The following SPAG16 variants were observed in gnomAD, a reference collection of about 807,000 sequenced individuals.
SPAG16 encodes the protein sperm-associated antigen 16 protein.
Under a neutral mutation model 80.4 loss-of-function variants are expected in SPAG16, and 86 were observed. That is an observed-to-expected ratio of 1.07 (90% CI 0.90 to 1.28). The LOEUF (loss-of-function observed/expected upper bound fraction) is 1.28, where lower values mean the gene tolerates loss of function less well. Ranked by LOEUF, SPAG16 falls within the 50% of genes most tolerant of loss-of-function variation. The pLI, the probability that SPAG16 is intolerant of heterozygous loss-of-function variation, is 0.00. For synonymous variants in SPAG16, 294 were observed against 265.9 expected, an observed-to-expected ratio of 1.11 and a Z score of -1.03; for missense variants, 870 against 765.3, an observed-to-expected ratio of 1.14 and a Z score of -1.61.
intron 15 of SPAG16, among the ~76,000 whole-genome samples, chr2:214,165,659 A>G (rs552792928): frequency 1.3e-5 from 2 of 150,428 alleles, no homozygotes; most frequent in Admixed American, 6.6e-5. Flanking sequence ...ATAGTCAACA[A>G]TTAAACTTTG....
intron 15 of SPAG16, among the ~76,000 whole-genome samples, chr2:214,382,319 A>T (rs1176412616): frequency 6.6e-6 from 1 of 152,238 alleles, no homozygotes; most frequent in African/African-American, 2.4e-5. Flanking sequence ...GCTTTTTGTT[A>T]ACATAACTTC....
chr2:213,384,758 T>C (rs1321548690), intron 9 of SPAG16, among the ~76,000 whole-genome samples: 1 of 152,190 alleles, frequency 6.6e-6, no homozygotes, highest in Non-Finnish European at 1.5e-5. Context: ...GTTGCTGCTC[T>C]CAGTATCCTG....
chr2:214,035,901 G>A (rs996171925), intron 13 of SPAG16, among the ~76,000 whole-genome samples: 1 of 152,192 alleles, frequency 6.6e-6, no homozygotes. Context: ...GCTCCATGGA[G>A]TGCACAGCCC....
rs561437715 is a variant in SPAG16, at chr2:213,955,958, A to ATTAT, written c.1400+25836_1400+25839dup. On this transcript the variant is annotated intron_variant, in intron 12 of 15. Transcript: ENST00000331683. ...AAGAACCAATTTTTGGTTTTTATTT[A>ATTAT]TTATTTATTTATTTATTTATTTATT... 3.6e-3 allele frequency among the ~76,000 whole-genome samples: 540 copies of ATTAT among 151,406 alleles called. 1 individual carries two copies. The highest frequency in any genetic ancestry group is 0.011 in the African/African-American group (454 of 41,358).
At chr2:213,321,721 T>C (rs2063615800) in intron 5 of SPAG16, among the ~76,000 whole-genome samples, 1 of 152,154 alleles carries the variant, frequency 6.6e-6, no homozygotes, top group Non-Finnish European at 1.5e-5. Flanking sequence ...CTGCTATAAA[T>C]ATAGATTATC....
chr2:214,197,310 G>T (rs954598219), intron 15 of SPAG16, among the ~76,000 whole-genome samples: 18 of 151,942 alleles, frequency 1.2e-4, no homozygotes, highest in African/African-American at 4.1e-4. Flanking sequence ...AATGCTTACT[G>T]AGTTTATATT....
intron 10 of SPAG16, among the ~76,000 whole-genome samples, chr2:213,824,070 A>G (rs902124828): frequency 2.6e-5 from 4 of 152,160 alleles, no homozygotes; most frequent in Admixed American, 6.5e-5. Context: ...TCTTTAATCC[A>G]TCTTGAGTTA....
chr2:213,945,984 T>C (rs529852006), intron 12 of SPAG16, among the ~76,000 whole-genome samples: 135 of 152,344 alleles, frequency 8.9e-4, no homozygotes, highest in African/African-American at 3.2e-3. Context: ...AGCATTGTTA[T>C]ATTTTTACCA....
At chr2:214,362,321 C>A (rs1204065623) in intron 15 of SPAG16, among the ~76,000 whole-genome samples, 3 of 151,858 alleles carry the variant, frequency 2.0e-5, no homozygotes, top group Non-Finnish European at 2.9e-5. Context: ...CATTGAGGAG[C>A]TGAAGCAATC....
chr2:214,112,767 C>G (rs993164443), intron 14 of SPAG16, among the ~76,000 whole-genome samples: 2 of 150,172 alleles, frequency 1.3e-5, no homozygotes, highest in African/African-American at 4.9e-5. Context: ...GCTCTTGATT[C>G]TTTATCGAAC....
At chr2:213,878,074 T>G (rs1254901890) in intron 11 of SPAG16, among the ~76,000 whole-genome samples, 2 of 152,170 alleles carry the variant, frequency 1.3e-5, no homozygotes, top group Non-Finnish European at 2.9e-5. Flanking sequence ...TTCAGAATAC[T>G]TCTTCCTGTT....
intron 10 of SPAG16, among the ~76,000 whole-genome samples, chr2:213,645,144 A>G (rs2062775045): frequency 6.6e-6 from 1 of 152,180 alleles, no homozygotes; most frequent in Non-Finnish European, 1.5e-5. Context: ...ACCGCAGGCC[A>G]TGAGGAGTAC....
intron 10 of SPAG16, among the ~76,000 whole-genome samples, chr2:213,721,607 T>C (rs1006900348): frequency 1.3e-5 from 2 of 152,210 alleles, no homozygotes; most frequent in African/African-American, 4.8e-5. Context: ...TAACCATTCA[T>C]TGCAAATTAC....
intron 10 of SPAG16, among the ~76,000 whole-genome samples, chr2:213,597,619 A>C (rs1002971189): frequency 7.2e-5 from 11 of 152,140 alleles, no homozygotes; most frequent in African/African-American, 2.7e-4. Context: ...CATAAGTGTC[A>C]CTTTTGGCCA....
At chr2:213,748,491 T>C (rs1317785545) in intron 10 of SPAG16, among the ~76,000 whole-genome samples, 1 of 152,096 alleles carries the variant, frequency 6.6e-6, no homozygotes, top group Admixed American at 6.5e-5. Context: ...AATTAATAAG[T>C]TTTATTTCAT....
chr2:213,503,343 C>T (rs921007193), intron 10 of SPAG16, among the ~76,000 whole-genome samples: 2 of 152,142 alleles, frequency 1.3e-5, no homozygotes, highest in Non-Finnish European at 2.9e-5. Flanking sequence ...TTTCACAGTG[C>T]TTCCTTTTAG....
At chr2:213,699,090 C>G (rs1470243373) in intron 10 of SPAG16, among the ~76,000 whole-genome samples, 3 of 152,084 alleles carry the variant, frequency 2.0e-5, no homozygotes, top group African/African-American at 7.2e-5. Context: ...TTTCTAATGT[C>G]TCCTACAACG....
intron 15 of SPAG16, among the ~76,000 whole-genome samples, chr2:214,272,040 G>C (rs1692065993): frequency 6.6e-6 from 1 of 151,948 alleles, no homozygotes; most frequent in Admixed American, 6.6e-5. Flanking sequence ...TTAATATACA[G>C]TACTATAATA....
intron 10 of SPAG16, among the ~76,000 whole-genome samples, chr2:213,712,276 A>G (rs2066030200): frequency 6.6e-6 from 1 of 152,148 alleles, no homozygotes; most frequent in African/African-American, 2.4e-5. Flanking sequence ...TTATTCAACA[A>G]ATATTTATGT....
Sources: allele counts gnomAD v4.1 joint callset (sites outside exome capture counted in the v4.1 genomes callset), GRCh38; gene constraint gnomAD v4.1.1; transcripts MANE v1.5; gene names NCBI Gene and HGNC (gene_info 2026-07-23, HGNC 2026-07-21).